The following GRIK2 variants were observed in gnomAD, a reference collection of about 807,000 sequenced individuals.
GRIK2 encodes glutamate ionotropic receptor kainate type subunit 2, also known as glutamate receptor ionotropic, kainate 2.
GRIK2 carries 32 observed loss-of-function variants against 100.3 expected under a neutral mutation model. The observed-to-expected ratio is 0.32, with a 90% CI of 0.24 to 0.43. GRIK2 has a LOEUF of 0.43. Among genes scored for constraint, GRIK2 ranks in the 20% least tolerant of loss-of-function variants. The pLI is 1.00. For missense variants in GRIK2, 843 were observed against 1,114.9 expected, an observed-to-expected ratio of 0.76 and a Z score of 3.47; for synonymous variants, 417 against 389.4, an observed-to-expected ratio of 1.07 and a Z score of -0.83.
intron 2 of GRIK2, among the ~76,000 whole-genome samples, chr6:101,568,611 A>T (rs1777389913): frequency 2.0e-5 from 3 of 152,098 alleles, no homozygotes; most frequent in Admixed American, 6.6e-5. Context: ...TAATTTGAAG[A>T]TGTAAATGAT....
chr6:101,972,550 G>T (rs1433261074), intron 14 of GRIK2, among the ~76,000 whole-genome samples: 1 of 145,904 alleles, frequency 6.9e-6, no homozygotes, highest in Non-Finnish European at 1.5e-5. Context: ...TCTGTAGGTT[G>T]TCTGTTTACT....
At chr6:101,809,681 A>C (rs1377526849) in intron 9 of GRIK2, among the ~76,000 whole-genome samples, 1 of 151,986 alleles carries the variant, frequency 6.6e-6, no homozygotes, top group Non-Finnish European at 1.5e-5. Flanking sequence ...GTTAACTCGT[A>C]AACTTTAAAT....
intron 2 of GRIK2, among the ~76,000 whole-genome samples, chr6:101,427,567 A>G (rs923182535): frequency 6.6e-6 from 1 of 152,222 alleles, no homozygotes; most frequent in Non-Finnish European, 1.5e-5. Context: ...CTAAGCTGGC[A>G]CAATTCAGTA....
chr6:102,000,816 C>T (rs989073083), intron 14 of GRIK2, among the ~76,000 whole-genome samples: 5 of 152,042 alleles, frequency 3.3e-5, no homozygotes, highest in Non-Finnish European at 7.4e-5. Flanking sequence ...ATAAATTTTA[C>T]TGACATTTTG....
intron 14 of GRIK2, among the ~76,000 whole-genome samples, chr6:101,965,711 C>G (rs1173334798): frequency 6.6e-6 from 1 of 152,018 alleles, no homozygotes; most frequent in African/African-American, 2.4e-5. Flanking sequence ...AACAAAGCAT[C>G]AGTCATAAAT....
chr6:101,956,128 T>G (rs534177592), intron 14 of GRIK2, among the ~76,000 whole-genome samples: 121 of 152,224 alleles, frequency 7.9e-4, no homozygotes, highest in Non-Finnish European at 1.5e-3. Flanking sequence ...CTTATGTCAG[T>G]GTGATGTGTT....
At chr6:101,498,995 G>A (rs1341383087) in intron 2 of GRIK2, among the ~76,000 whole-genome samples, 1 of 152,084 alleles carries the variant, frequency 6.6e-6, no homozygotes, top group East Asian at 1.9e-4. Context: ...GGTTTTTATG[G>A]TTTTAGGTCT....
At chr6:101,458,534 G>T (rs936528909) in intron 2 of GRIK2, among the ~76,000 whole-genome samples, 1 of 152,208 alleles carries the variant, frequency 6.6e-6, no homozygotes, top group Non-Finnish European at 1.5e-5. Context: ...TGATTGAGAG[G>T]CTTTGATGTA....
At chr6:101,565,238 C>T (rs1200141916) in intron 2 of GRIK2, among the ~76,000 whole-genome samples, 3 of 151,980 alleles carry the variant, frequency 2.0e-5, no homozygotes, top group Non-Finnish European at 4.4e-5. Flanking sequence ...AGTGGTTCCT[C>T]GAACAACAAG....
chr6:101,446,417 T>C (rs756776160), intron 2 of GRIK2, among the ~76,000 whole-genome samples: 2 of 151,928 alleles, frequency 1.3e-5, no homozygotes, highest in Non-Finnish European at 2.9e-5. Flanking sequence ...ATTACGACGA[T>C]AATAAAATGA....
intron 16 of GRIK2, among the ~76,000 whole-genome samples, chr6:102,060,102 G>A (rs976816176): frequency 6.6e-6 from 1 of 150,838 alleles, no homozygotes; most frequent in Non-Finnish European, 1.5e-5. Flanking sequence ...TGGTTAAAAT[G>A]TATTTTTAAA....
intron 7 of GRIK2, among the ~76,000 whole-genome samples, chr6:101,700,306 A>T (rs1272836693): frequency 6.6e-6 from 1 of 151,812 alleles, no homozygotes; most frequent in Admixed American, 6.6e-5. Context: ...CGTTATAAAA[A>T]TTTGACAGTT....
At chr6:101,861,946 G>A (rs925951295) in intron 11 of GRIK2, among the ~76,000 whole-genome samples, 11 of 152,106 alleles carry the variant, frequency 7.2e-5, no homozygotes, top group South Asian at 2.1e-4. Flanking sequence ...AGGTTACAAC[G>A]AGAATGGGGG....
chr6:101,834,478 G>C (rs530042473), intron 10 of GRIK2, among the ~76,000 whole-genome samples: 1 of 151,996 alleles, frequency 6.6e-6, no homozygotes, highest in Non-Finnish European at 1.5e-5. Flanking sequence ...AAGTTCATAT[G>C]AGGCTGAACT....
Position 101,713,566 on chromosome 6 carries a change from A to G in GRIK2, c.951+27213A>G, listed in dbSNP as rs79586992. Among the ~76,000 whole-genome samples, 1,094 of 151,942 alleles carry G rather than the reference A, an allele frequency of 7.2e-3. 10 individuals are homozygous for G. The highest frequency in any genetic ancestry group is 0.024 in the African/African-American group (1,003 of 41,520). ...AGCAAAATAAGATATTCAGCAAAAG[A>G]CTATGATAAATCAGTTTCTCTTTAT... is the stretch of plus-strand genomic sequence containing the variant. On this transcript the variant is annotated intron_variant, in intron 7 of 16. Transcript: ENST00000369134.
intron 12 of GRIK2, among the ~76,000 whole-genome samples, chr6:101,904,721 T>C (rs1207934770): frequency 6.6e-6 from 1 of 151,578 alleles, no homozygotes; most frequent in Non-Finnish European, 1.5e-5. Flanking sequence ...ATATGATTAA[T>C]GTAAAGTCCA....
At position 101,973,405 on chromosome 6, in the gene GRIK2, T is replaced by C. The variant is rs957240031; in HGVS notation, c.2085+44773T>C. 2.0e-5 allele frequency among the ~76,000 whole-genome samples: 3 copies of C among 151,896 alleles called. No individual in the cohort carries two copies. In the South Asian group the frequency reaches 6.2e-4, roughly 31 times the overall value. On this transcript the variant is annotated intron_variant, in intron 14 of 16. Transcript: ENST00000369134. Reference sequence around the variant, plus strand: ...ATGCGTAATAAACATTCAATCTCAATAATATCCAAAAATGCAAGAACATAA... The same window carrying C: ...ATGCGTAATAAACATTCAATCTCAACAATATCCAAAAATGCAAGAACATAA...
chr6:102,051,083 T>G (rs890315540), intron 15 of GRIK2, among the ~76,000 whole-genome samples: 1 of 152,192 alleles, frequency 6.6e-6, no homozygotes, highest in African/African-American at 2.4e-5. Context: ...ATAGATACAT[T>G]TGTAGTTTTT....
chr6:101,587,664 GAAC>G (rs1335387891), intron 2 of GRIK2, among the ~76,000 whole-genome samples: 5 of 152,084 alleles, frequency 3.3e-5, no homozygotes, highest in African/African-American at 9.7e-5. Context: ...ATAATTAGTT[GAAC>G]AACAGGTATT....
Sources: gnomAD v4.1 joint callset for allele counts (sites outside exome capture counted in the v4.1 genomes callset) on GRCh38, gnomAD v4.1.1 for gene constraint, MANE v1.5 for transcripts, NCBI Gene and HGNC (gene_info 2026-07-23, HGNC 2026-07-21) for gene names.